Variants in BAZ1B observed in about 807,000 individuals in gnomAD.
BAZ1B encodes the protein bromodomain adjacent to zinc finger domain 1B, also known as tyrosine-protein kinase BAZ1B.
In BAZ1B, 22 loss-of-function variants were observed where a neutral mutation model predicts 153.8. The ratio of observed to expected loss-of-function variants is 0.14; its 90% CI spans 0.10 to 0.20. The LOEUF (loss-of-function observed/expected upper bound fraction) is 0.20. Among genes scored for constraint, BAZ1B ranks in the 10% least tolerant of loss-of-function variants. The pLI, the probability that BAZ1B is intolerant of heterozygous loss-of-function variation, is 1.00. For missense variants in BAZ1B, 1,325 were observed against 1,799.3 expected (o/e 0.74, Z 4.77); for synonymous variants, 676 against 633.4 (o/e 1.07, Z -1.01).
At chr7:73,443,437 G>T (rs537345590) in intron 17 of BAZ1B, among the ~76,000 whole-genome samples, 14 of 152,182 alleles carry the variant, frequency 9.2e-5, no homozygotes, top group African/African-American at 3.4e-4. Context: ...GGCAAACCGA[G>T]CATCTTCTAA....
chr7:73,476,647 A>C (rs555185299), intron 7 of BAZ1B, among the ~76,000 whole-genome samples: 1 of 152,342 alleles, frequency 6.6e-6, no homozygotes, highest in South Asian at 2.1e-4. Flanking sequence ...TGCCAACATC[A>C]CATTAACTTA....
chr7:73,466,195 C>A lies in BAZ1B; in HGVS notation c.2972+101G>T, dbSNP rs114852722. On this transcript the variant is annotated intron_variant, in intron 10 of 19. Coordinates refer to ENST00000339594, the MANE Select transcript of BAZ1B (RefSeq NM_032408.4). The stretch of plus-strand genomic sequence containing the variant: ...AATATCAGTCACACAAAGTATCCTG[C>A]GCAAATAATTATTAACTCACTGGCA... The A allele has an allele frequency of 3.5e-3, 2,870 of 816,030 alleles. 69 individuals are homozygous for A. In the African/African-American group the frequency reaches 0.044, roughly 13 times the overall value. 50.5% of individuals were successfully genotyped at this position (816,030 alleles called of 1,614,324 possible).
At chr7:73,521,458 G>A (rs1563410529) in intron 1 of BAZ1B, among the ~76,000 whole-genome samples, 1 of 152,168 alleles carries the variant, frequency 6.6e-6, no homozygotes, top group African/African-American at 2.4e-5. Context: ...AATTAAAGGA[G>A]AAAACCTAGC....
chr7:73,484,635 T>C (rs1403599119), intron 6 of BAZ1B, among the ~76,000 whole-genome samples: 2 of 152,148 alleles, frequency 1.3e-5, no homozygotes, highest in East Asian at 3.8e-4. Context: ...AGCAAGAGCC[T>C]GTCTCAAAAA....
At chr7:73,484,008 C>T (rs1789299333) in intron 6 of BAZ1B, among the ~76,000 whole-genome samples, 1 of 152,194 alleles carries the variant, frequency 6.6e-6, no homozygotes, top group Non-Finnish European at 1.5e-5. Flanking sequence ...TGGCTCATGC[C>T]TGTAATCCCA....
intron 13 of BAZ1B, among the ~76,000 whole-genome samples, 194 bp from the exon 14 acceptor site, chr7:73,451,188 G>C (rs1313705762): frequency 6.6e-6 from 1 of 152,154 alleles, no homozygotes; most frequent in Admixed American, 6.6e-5. Context: ...GAGATGCAGT[G>C]GAGTGGGTGG....
At chr7:73,473,220 G>C (rs569466342) in intron 7 of BAZ1B, among the ~76,000 whole-genome samples, 1 of 152,320 alleles carries the variant, frequency 6.6e-6, no homozygotes, top group South Asian at 2.1e-4. Context: ...ATTACAGGCT[G>C]TGAGCCACCG....
Position 73,478,193 on chromosome 7 carries a change from G to C in BAZ1B, c.1268C>G (p.Ser423Cys), listed in dbSNP as rs1554573171. ...NGQKSTGNSK[S>C]PKKGLKTPKT... ...AGGAGTCTTCAGTCCTTTTTTGGGA[G>C]ATTTGGAATTCCCTGTGGATTTCTG... Residue 423 changes from serine to cysteine, a missense_variant, in exon 7 of 20, where the codon TCT (serine) becomes TGT (cysteine). By Grantham distance (112) the Ser-to-Cys change is moderately radical. Around this residue, in one of 9 missense-constraint regions of BAZ1B, gnomAD observed 219 missense variants for 248.2 expected, o/e 0.88. Coordinates refer to ENST00000339594, the MANE Select transcript of BAZ1B (RefSeq NM_032408.4). The C allele has an allele frequency of 1.2e-6, 2 of 1,613,748 alleles. No individual in the cohort carries two copies. The highest frequency in any genetic ancestry group is 2.7e-5 in the African/African-American group (2 of 74,856).
chr7:73,518,586 G>A (rs1047799289), intron 1 of BAZ1B, among the ~76,000 whole-genome samples: 10 of 152,124 alleles, frequency 6.6e-5, no homozygotes, highest in African/African-American at 2.2e-4. Context: ...CGTGCCTGTA[G>A]TCCCAGCTAC....
At chr7:73,481,603 A>T (rs1563383283) in intron 6 of BAZ1B, among the ~76,000 whole-genome samples, 1 of 152,044 alleles carries the variant, frequency 6.6e-6, no homozygotes, top group Non-Finnish European at 1.5e-5. Flanking sequence ...GAGGAAAAAA[A>T]TATGGCCTAC....
In BAZ1B at chr7:73,477,147, T is replaced by A; in HGVS notation, c.2314A>T (p.Met772Leu). The A allele has an allele frequency of 1.2e-6, 2 of 1,614,238 alleles. No homozygotes were observed. The highest frequency in any genetic ancestry group is 1.7e-6 in the Non-Finnish European group (2 of 1,180,038). Residue 772 changes from methionine to leucine, a missense_variant, in exon 7 of 20, where the codon ATG (methionine) becomes TTG (leucine). Coordinates refer to ENST00000339594, the MANE Select transcript of BAZ1B (RefSeq NM_032408.4). This position sits in a 1 kb window ranked among gnomAD's most constrained non-coding sequence, Gnocchi z 5.6. The stretch of plus-strand genomic sequence containing the variant: ...CGTTCCTTCCACAACTCTGCAGACA[T>A]CTGCTGTCTGGTCTCCATGTGGTCT... ...VQDHMETRQQ[M>L]SAELWKERLA...
In BAZ1B at chr7:73,449,751, G is replaced by C. The variant is rs1023145969; in HGVS notation, c.3581-62C>G. The stretch of plus-strand genomic sequence containing the variant: ...CACAGCAGCAGTCAATGAGCTGTAA[G>C]GAAGAGGCAATCACCCTACAATTCA... On this transcript the variant is annotated intron_variant, in intron 14 of 19. Transcript: ENST00000339594. The C allele has an allele frequency of 2.6e-5, 41 of 1,555,934 alleles. No individual in the cohort carries two copies. The African/African-American group carries it at 5.4e-4, about 21-fold the overall frequency.
chr7:73,457,837 C>T (rs550382882), intron 13 of BAZ1B, among the ~76,000 whole-genome samples: 1 of 152,242 alleles, frequency 6.6e-6, no homozygotes, highest in South Asian at 2.1e-4. Flanking sequence ...GATACTGGAA[C>T]AAGATCTGAT....
intron 16 of BAZ1B, 38 bp downstream of exon 16, chr7:73,447,226 A>C (rs782318562): frequency 6.2e-7 from 1 of 1,612,664 alleles, no homozygotes. Flanking sequence ...AGCTTAGAAG[A>C]CTGTGAAATC....
In BAZ1B at chr7:73,477,780, T is replaced by C; in HGVS notation, c.1681A>G (p.Lys561Glu). ...TCTTTCTCTCTTCGTTCTTTGGCTT[T>C]TTCCTTCAACTTCTTTTTCAGCTCC... ...REELKKKLKE[K>E]AKERREKEML... The change falls in exon 7 of 20, where the codon AAA becomes GAA. Residue 561 changes from lysine (K) to glutamate (E), a missense_variant. Lys to Glu is a moderately conservative substitution (Grantham distance 56). Transcript: ENST00000339594. This position sits in a 1 kb window ranked among gnomAD's most constrained non-coding sequence, Gnocchi z 5.6. 6.2e-7 allele frequency: 1 copy of C among 1,614,208 alleles called. No homozygotes were observed. The highest frequency in any genetic ancestry group is 8.5e-7 in the Non-Finnish European group (1 of 1,180,036).
At chr7:73,451,782 C>G (rs1208958576) in intron 13 of BAZ1B, among the ~76,000 whole-genome samples, 1 of 152,218 alleles carries the variant, frequency 6.6e-6, no homozygotes, top group African/African-American at 2.4e-5. Flanking sequence ...CCTCAGTAAA[C>G]TGAGGTCCAC....
At chr7:73,491,471 T>C (rs1789641352) in intron 5 of BAZ1B, among the ~76,000 whole-genome samples, 1 of 151,918 alleles carries the variant, frequency 6.6e-6, no homozygotes, top group Admixed American at 6.6e-5. Flanking sequence ...TGGTGATGCA[T>C]GCCTGTAATC....
intron 3 of BAZ1B, among the ~76,000 whole-genome samples, chr7:73,503,316 G>A (rs1388547150): frequency 1.3e-5 from 2 of 152,060 alleles, no homozygotes; most frequent in Non-Finnish European, 2.9e-5. Flanking sequence ...CATTATTGAT[G>A]AGTTTAAACA....
chr7:73,465,566 C>CT, intron 10 of BAZ1B, 29 bp from the exon 11 acceptor site: 26 of 1,316,898 alleles, frequency 2.0e-5, no homozygotes, highest in Non-Finnish European at 2.6e-5. Flanking sequence ...CCTGATAACT[C>CT]TGAAAAAAAA....
Sources: allele counts gnomAD v4.1 joint callset (sites outside exome capture counted in the v4.1 genomes callset), GRCh38; gene constraint gnomAD v4.1.1; regional missense constraint gnomAD v4.1.1; non-coding constraint Gnocchi (gnomAD v3.1); transcripts MANE v1.5; gene names NCBI Gene and HGNC (gene_info 2026-07-23, HGNC 2026-07-21).